The following MBOAT7 variants were observed in gnomAD, a reference collection of about 807,000 sequenced individuals.
The protein encoded by MBOAT7 is membrane-bound acylglycerophosphatidylinositol O-acyltransferase MBOAT7.
A neutral mutation model predicts 47.4 loss-of-function variants in MBOAT7; 40 were observed. The ratio of observed to expected loss-of-function variants is 0.84; its 90% CI spans 0.66 to 1.10. The LOEUF is 1.10. Ranked by LOEUF, MBOAT7 falls within the 50% of genes least tolerant of loss-of-function variation. MBOAT7 has a pLI of 0.00. For missense variants in MBOAT7, 680 were observed against 655.6 expected, an observed-to-expected ratio of 1.04 and a Z score of -0.41; for synonymous variants, 361 against 292.0, an observed-to-expected ratio of 1.24 and a Z score of -2.41.
chr19:54,181,226 G>C, intron 5 of MBOAT7, 93 bp from the exon 6 acceptor site: 1 of 1,402,204 alleles, frequency 7.1e-7, no homozygotes, highest in Non-Finnish European at 9.3e-7. Flanking sequence ...AAGGAAGGTG[G>C]GAAGAGGGAG....
chr19:54,183,055 G>A (rs907532884), intron 5 of MBOAT7, among the ~76,000 whole-genome samples: 13 of 151,986 alleles, frequency 8.6e-5, no homozygotes, highest in Admixed American at 2.0e-4. Context: ...ATAAAGGGAC[G>A]GGATCTTGCT....
intron 6 of MBOAT7, 58 bp from the exon 7 acceptor site, chr19:54,178,999 C>A: frequency 6.3e-7 from 1 of 1,583,612 alleles, no homozygotes. Context: ...GGCCCCCTCC[C>A]GACGCCTGCT....
chr19:54,176,003 G>A (rs913421798), intron 7 of MBOAT7, among the ~76,000 whole-genome samples: 3 of 151,872 alleles, frequency 2.0e-5, no homozygotes, highest in Non-Finnish European at 1.5e-5. Context: ...GATTACAGGC[G>A]TGAGCCACTG....
At chr19:54,177,215 T>C (rs78881568) in intron 7 of MBOAT7, among the ~76,000 whole-genome samples, 118,193 of 151,850 alleles carry the variant, frequency 0.78, 46,062 homozygotes, top group African/African-American at 0.79. Context: ...CAAAACTTAC[T>C]CTTCCTGGGT....
chr19:54,180,833 G>T lies in MBOAT7; in HGVS notation c.794C>A (p.Pro265His). ...GCIAAGFGAY[P>H]VAAKARAGGG... ...TCCGGCCCGGGCTTTGGCGGCCACGGGGTAGGCCCCAAAGCCGGCGGCAAT... is the reference window on the plus strand; with the variant it reads ...TCCGGCCCGGGCTTTGGCGGCCACGTGGTAGGCCCCAAAGCCGGCGGCAAT... The change falls in exon 6 of 8, where the codon CCC (proline) becomes CAC (histidine). Residue 265 changes from proline (P) to histidine (H), a missense_variant. By Grantham distance (77) the Pro-to-His change is moderately conservative. Coordinates refer to ENST00000245615, the MANE Select transcript of MBOAT7 (RefSeq NM_024298.5). This position sits in a 1 kb window ranked among gnomAD's most constrained non-coding sequence, Gnocchi z 5.2. 6.3e-7 allele frequency: 1 copy of T among 1,574,922 alleles called. No homozygotes were observed. Among genetic ancestry groups the T allele is most frequent in the Non-Finnish European group, 8.6e-7 (1 of 1,163,924 alleles).
chr19:54,187,332 G>A (rs772882837), intron 3 of MBOAT7, 45 bp from the exon 4 acceptor site: 7 of 1,547,558 alleles, frequency 4.5e-6, no homozygotes, highest in South Asian at 1.2e-5. Context: ...CAGAAGTCTC[G>A]GCCTTGGCCA....
At chr19:54,184,387 A>G (rs570406944) in intron 4 of MBOAT7, among the ~76,000 whole-genome samples, 1 of 152,054 alleles carries the variant, frequency 6.6e-6, no homozygotes, top group East Asian at 1.9e-4. Flanking sequence ...ACTGAGCTGA[A>G]TATGTTGTAC....
Position 54,174,013 on chromosome 19 carries a change from G to A in MBOAT7, c.*31C>T, listed in dbSNP as rs2075992001. ...GCAGCCTGGTTCACAGAATTCCCGG[G>A]ACCAGCTGGCAGAGGGAGCGTCGTG... On this transcript the variant is annotated 3_prime_UTR_variant, in exon 8 of 8. Transcript: ENST00000245615. The A allele has an allele frequency of 6.5e-7, 1 of 1,539,820 alleles. No homozygotes were observed. The highest frequency in any genetic ancestry group is 1.4e-5 in the African/African-American group (1 of 71,810).
At position 54,178,887 on chromosome 19, in the gene MBOAT7, G is replaced by A. The variant is rs777081257; in HGVS notation, c.909C>T (p.Asp303=). 78 of 1,613,530 alleles carry A rather than the reference G, an allele frequency of 4.8e-5. No homozygotes were observed. The highest frequency in any genetic ancestry group is 6.2e-5 in the Non-Finnish European group (73 of 1,180,034). Residue 303 remains aspartate (D), a synonymous_variant, in exon 7 of 8, where the codon GAC becomes GAT. Coordinates refer to ENST00000245615, the MANE Select transcript of MBOAT7 (RefSeq NM_024298.5). ...EYDYETIRNI[D]CYSTDFCVRV... ...GCACGCAGAAATCTGTGCTGTAGCA[G>A]TCGATGTTGCGGATGGTCTCATAGT... is the stretch of plus-strand genomic sequence containing the variant.
chr19:54,187,414 G>C, intron 3 of MBOAT7, 127 bp from the exon 4 acceptor site: 3 of 1,222,486 alleles, frequency 2.5e-6, no homozygotes, highest in Non-Finnish European at 2.2e-6. Flanking sequence ...AACACAGAAG[G>C]GCAGAGAGGA....
intron 7 of MBOAT7, among the ~76,000 whole-genome samples, chr19:54,175,875 C>T (rs550457320): frequency 6.6e-6 from 1 of 152,226 alleles, no homozygotes; most frequent in Non-Finnish European, 1.5e-5. Flanking sequence ...CAGGTGCCCA[C>T]CACCATGCCA....
Position 54,187,283 on chromosome 19 carries a change from AGGAGCTGGGC to A in MBOAT7, c.207-6_210del. On this transcript the variant is annotated splice_acceptor_variant and splice_polypyrimidine_tract_variant and coding_sequence_variant and intron_variant, in exon 4 of 8. Transcript: ENST00000245615. LOFTEE classifies it high-confidence loss of function. ...GTCCAGGCCAGAGCCAGGGCGTGGC[AGGAGCTGGGC>A]AAAAGCAGGAGGCGCACTGTGTTGG... 6.2e-7 allele frequency: 1 copy of A among 1,609,340 alleles called. No individual in the cohort carries two copies. The highest frequency in any genetic ancestry group is 8.5e-7 in the Non-Finnish European group (1 of 1,177,988).
chr19:54,178,675 G>A (rs2076177660), intron 7 of MBOAT7, 90 bp downstream of exon 7: 4 of 1,523,496 alleles, frequency 2.6e-6, no homozygotes, highest in East Asian at 2.4e-5. Flanking sequence ...CCGGGGGCAG[G>A]GGCCCAGCCA....
chr19:54,173,966 G>A lies in MBOAT7; in HGVS notation c.*78C>T. On this transcript the variant is annotated 3_prime_UTR_variant, in exon 8 of 8. Coordinates refer to ENST00000245615, the MANE Select transcript of MBOAT7 (RefSeq NM_024298.5). ...TCTCCAGGACCCTCTCCAAGGTAAGGACTCTTTCTGGGGAGGAGACAGCAG... is the reference window on the plus strand; with the variant it reads ...TCTCCAGGACCCTCTCCAAGGTAAGAACTCTTTCTGGGGAGGAGACAGCAG... 1 of 1,460,050 alleles carries A rather than the reference G, an allele frequency of 6.8e-7. No individual in the cohort carries two copies. Among genetic ancestry groups the A allele is most frequent in the Non-Finnish European group, 9.1e-7 (1 of 1,096,634 alleles). The allele number at this position is 1,460,050 out of a possible 1,614,324, so 90.4% of individuals were successfully genotyped here. A position where few individuals can be genotyped will look rare whatever the true frequency, so the allele number is the denominator to read the frequency against.
chr19:54,178,127 G>C, intron 7 of MBOAT7: 1 of 544,838 alleles, frequency 1.8e-6, no homozygotes, highest in Non-Finnish European at 2.3e-6. Flanking sequence ...GGTCAGGCTG[G>C]TCTCGAACTC....
At chr19:54,184,151 A>ATCTC (rs146415810) in intron 4 of MBOAT7, among the ~76,000 whole-genome samples, 1 of 127,810 alleles carries the variant, frequency 7.8e-6, no homozygotes. Flanking sequence ...CGATCCTTTA[A>ATCTC]TCTCTCTCTC....
In MBOAT7 at chr19:54,183,722, G is replaced by T. The variant is rs1390610491; in HGVS notation, c.334-42C>A. On this transcript the variant is annotated intron_variant, in intron 4 of 7. Transcript: ENST00000245615. ...GGGCAAGGGGCCAGGTCAGACTCTG[G>T]GCCCTTCCCCACACCCATCTCCCTT... 5 of 1,493,592 alleles carry T rather than the reference G, an allele frequency of 3.3e-6. No individual in the cohort carries two copies. The East Asian group carries it at 9.9e-5, about 30-fold the overall frequency. 92.5% of individuals were successfully genotyped at this position (1,493,592 alleles called of 1,614,324 possible).
chr19:54,178,764 C>G lies in MBOAT7; in HGVS notation c.1031+1G>C. On this transcript the variant is annotated splice_donor_variant, in intron 7 of 7. Coordinates refer to ENST00000245615, the MANE Select transcript of MBOAT7 (RefSeq NM_024298.5). LOFTEE classifies it high-confidence loss of function. Reference sequence around the variant, plus strand: ...ACCTGAGACTGGGCGGGCTCACTCACCGCAGGACATAGGAACGGGCAGGTG... The same window carrying G: ...ACCTGAGACTGGGCGGGCTCACTCAGCGCAGGACATAGGAACGGGCAGGTG... 6.2e-7 allele frequency: 1 copy of G among 1,613,266 alleles called. No individual in the cohort carries two copies. Among genetic ancestry groups the G allele is most frequent in the Admixed American group, 1.7e-5 (1 of 60,026 alleles).
Position 54,180,770 on chromosome 19 carries a change from G to T in MBOAT7, c.854+3C>A. On this transcript the variant is annotated splice_donor_region_variant and intron_variant, in intron 6 of 7. Coordinates refer to ENST00000245615, the MANE Select transcript of MBOAT7 (RefSeq NM_024298.5). This position sits in a 1 kb window ranked among gnomAD's most constrained non-coding sequence, Gnocchi z 5.2. ...TTGGGAAGCCTCCCTCGCGCCGCCT[G>T]ACCTGCTGGGGGGTGGGCATTGGAG... 1 of 1,519,194 alleles carries T rather than the reference G, an allele frequency of 6.6e-7. No individual in the cohort carries two copies. The highest frequency in any genetic ancestry group is 1.2e-5 in the South Asian group (1 of 80,870). The allele number at this position is 1,519,194 out of a possible 1,614,324, so 94.1% of individuals were successfully genotyped here. A position where few individuals can be genotyped will look rare whatever the true frequency, so the allele number is the denominator to read the frequency against.
Sources: allele counts gnomAD v4.1 joint callset (sites outside exome capture counted in the v4.1 genomes callset), GRCh38; gene constraint gnomAD v4.1.1; non-coding constraint Gnocchi (gnomAD v3.1); transcripts MANE v1.5; gene names NCBI Gene and HGNC (gene_info 2026-07-23, HGNC 2026-07-21).